Variants in RPS6KA2 observed in about 807,000 individuals in gnomAD.
RPS6KA2 encodes the protein ribosomal protein S6 kinase alpha-2.
A neutral mutation model predicts 91.8 loss-of-function variants in RPS6KA2; 42 were observed. The observed-to-expected ratio is 0.46, with a 90% CI of 0.36 to 0.59. The LOEUF (loss-of-function observed/expected upper bound fraction) is 0.59, where lower values mean the gene tolerates loss of function less well. Among genes scored for constraint, RPS6KA2 ranks in the 20% least tolerant of loss-of-function variants. The probability of loss-of-function intolerance (pLI) is 0.00; values close to 1 mark genes in which losing one functional copy is unlikely to be tolerated. For missense variants in RPS6KA2, 798 were observed against 978.5 expected (o/e 0.82, Z 2.46); for synonymous variants, 414 against 393.6 (o/e 1.05, Z -0.61).
chr6:166,828,981 C>G (rs1780112800), intron 2 of RPS6KA2, among the ~76,000 whole-genome samples: 1 of 152,072 alleles, frequency 6.6e-6, no homozygotes, highest in African/African-American at 2.4e-5. Context: ...ACTTAATAAC[C>G]TCAATAACAA....
At chr6:166,638,650 C>T (rs767393299) in intron 2 of RPS6KA2, among the ~76,000 whole-genome samples, 4 of 152,206 alleles carry the variant, frequency 2.6e-5, no homozygotes, top group Non-Finnish European at 5.9e-5. Flanking sequence ...GATCCTATGA[C>T]CTGACTTTGG....
At chr6:166,706,724 C>T (rs539441716) in intron 2 of RPS6KA2, among the ~76,000 whole-genome samples, 36 of 152,272 alleles carry the variant, frequency 2.4e-4, no homozygotes, top group Middle Eastern at 6.8e-3. Context: ...AGTAAAGCCC[C>T]GTGCCAACTG....
chr6:166,544,374 G>A (rs895112415), intron 1 of RPS6KA2, among the ~76,000 whole-genome samples: 1 of 152,170 alleles, frequency 6.6e-6, no homozygotes, highest in South Asian at 2.1e-4. Context: ...AACAGCCCCC[G>A]GAGAGCGAGC....
At position 166,733,182 on chromosome 6, in the gene RPS6KA2, G is replaced by A. The variant is rs1174366854; in HGVS notation, c.123+125018C>T. ...AGAACATGATATCAAATTATACTTGGATGTCACATTATCGGCCAGAATGGG... is the reference window on the plus strand; with the variant it reads ...AGAACATGATATCAAATTATACTTGAATGTCACATTATCGGCCAGAATGGG... On this transcript the variant is annotated intron_variant, in intron 2 of 21. Transcript: ENST00000503859. This position sits in a 1 kb window ranked among gnomAD's most constrained non-coding sequence, Gnocchi z 4.1. 6.6e-6 allele frequency among the ~76,000 whole-genome samples: 1 copy of A among 152,144 alleles called. No individual in the cohort carries two copies. The highest frequency in any genetic ancestry group is 6.5e-5 in the Admixed American group (1 of 15,280).
chr6:166,772,233 T>C lies in RPS6KA2; in HGVS notation c.123+85967A>G, dbSNP rs948397404. 2.0e-5 allele frequency among the ~76,000 whole-genome samples: 3 copies of C among 151,946 alleles called. No homozygotes were observed. The East Asian group carries it at 5.8e-4, about 29-fold the overall frequency. ...GGACACTAGTTCCATGGAGTCCAGG[T>C]GGGAATGACCCCACCCCCCAGCCCC... On this transcript the variant is annotated intron_variant, in intron 2 of 21. Transcript: ENST00000503859.
At chr6:166,760,308 G>C (rs1484449761) in intron 2 of RPS6KA2, among the ~76,000 whole-genome samples, 1 of 152,206 alleles carries the variant, frequency 6.6e-6, no homozygotes, top group African/African-American at 2.4e-5. Flanking sequence ...GGCTTCTTAA[G>C]AAATTGTGTT....
intron 11 of RPS6KA2, among the ~76,000 whole-genome samples, chr6:166,465,916 T>C (rs1478177046): frequency 6.6e-6 from 1 of 152,236 alleles, no homozygotes; most frequent in African/African-American, 2.4e-5. Flanking sequence ...GTGGCATTTC[T>C]GAGCTCTTCT....
intron 16 of RPS6KA2, among the ~76,000 whole-genome samples, chr6:166,427,396 C>T (rs1331596049): frequency 6.6e-6 from 1 of 152,178 alleles, no homozygotes; most frequent in Non-Finnish European, 1.5e-5. Context: ...TGGCACAAGA[C>T]AGGGATGCCC....
In RPS6KA2 at chr6:166,526,236, G is replaced by A. The variant is rs546625442; in HGVS notation, c.298+4996C>T. Among the ~76,000 whole-genome samples the A allele has an allele frequency of 3.3e-4, 50 of 152,118 alleles. 1 individual carries two copies. The highest frequency in any genetic ancestry group is 1.1e-3 in the African/African-American group (44 of 41,480). On this transcript the variant is annotated intron_variant, in intron 3 of 20. Coordinates refer to ENST00000265678, the MANE Select transcript of RPS6KA2 (RefSeq NM_021135.6). ...CTACTTTTTAGTGATGGATCATTAC[G>A]GAAAGCCGAAACAGTATAAGATGTA... is the stretch of plus-strand genomic sequence containing the variant.
chr6:166,565,569 C>T (rs1029895334), intron 1 of RPS6KA2, among the ~76,000 whole-genome samples: 5 of 152,232 alleles, frequency 3.3e-5, no homozygotes, highest in African/African-American at 1.2e-4. Flanking sequence ...GGGCAGTGAC[C>T]GCCTCACTTG....
intron 2 of RPS6KA2, among the ~76,000 whole-genome samples, chr6:166,756,189 G>A (rs1326799743): frequency 6.6e-6 from 1 of 151,952 alleles, no homozygotes; most frequent in Admixed American, 6.6e-5. Flanking sequence ...ACTCGGGAGG[G>A]TGAGGCAGGA....
At chr6:166,652,124 G>C (rs1216995425) in intron 2 of RPS6KA2, among the ~76,000 whole-genome samples, 1 of 152,258 alleles carries the variant, frequency 6.6e-6, no homozygotes, top group African/African-American at 2.4e-5. Flanking sequence ...AAGAGTAAAA[G>C]TCAGAGGATA....
In RPS6KA2 at chr6:166,633,730, G is replaced by A. The variant is rs188741382; in HGVS notation, c.124-94946C>T. Among the ~76,000 whole-genome samples the A allele has an allele frequency of 2.2e-3, 335 of 152,290 alleles. 1 individual carries two copies. Among genetic ancestry groups the A allele is most frequent in the Middle Eastern group, 0.01 (3 of 294 alleles). On this transcript the variant is annotated intron_variant, in intron 2 of 21. Coordinates refer to the RPS6KA2 transcript ENST00000503859. ...ATAATTACAGTTATAATTATAGGAT[G>A]GAAGAATTACTTGTTTGAATTTATT...
At position 166,586,530 on chromosome 6, in the gene RPS6KA2, T is replaced by A; in HGVS notation, c.99+40391A>T. 3 of 1,537,146 alleles carry A rather than the reference T, an allele frequency of 2.0e-6. No homozygotes were observed. The South Asian group carries it at 3.5e-5, about 18-fold the overall frequency. On this transcript the variant is annotated intron_variant, in intron 1 of 20. Coordinates refer to ENST00000265678, the MANE Select transcript of RPS6KA2 (RefSeq NM_021135.6). ...CTGTATTGCTTAATGTTTAGGTTGT[T>A]TAAATCCGCCAAGGGCTATGTCTAT...
chr6:166,559,482 G>T (rs1784277068), intron 1 of RPS6KA2, among the ~76,000 whole-genome samples: 1 of 152,190 alleles, frequency 6.6e-6, no homozygotes, highest in South Asian at 2.1e-4. Flanking sequence ...ACCATGCTAA[G>T]TGATGAATGC....
chr6:166,712,143 G>A (rs1344440407), intron 2 of RPS6KA2, among the ~76,000 whole-genome samples: 1 of 152,208 alleles, frequency 6.6e-6, no homozygotes, highest in African/African-American at 2.4e-5. Flanking sequence ...GGTCCACATG[G>A]GTTTCAAAAA....
At chr6:166,755,177 G>T (rs1346367240) in intron 2 of RPS6KA2, among the ~76,000 whole-genome samples, 1 of 152,180 alleles carries the variant, frequency 6.6e-6, no homozygotes, top group Non-Finnish European at 1.5e-5. Context: ...ACTTCTAGGT[G>T]GCCTCAGATG....
At chr6:166,516,732 G>T (rs1040260719) in intron 3 of RPS6KA2, among the ~76,000 whole-genome samples, 2 of 152,190 alleles carry the variant, frequency 1.3e-5, no homozygotes, top group Non-Finnish European at 2.9e-5. Flanking sequence ...GCTCGGCAGG[G>T]CCCACGGGAG....
At chr6:166,813,202 C>T (rs1291251364) in intron 2 of RPS6KA2, among the ~76,000 whole-genome samples, 1 of 152,036 alleles carries the variant, frequency 6.6e-6, no homozygotes, top group Non-Finnish European at 1.5e-5. Context: ...CTGCATTTAA[C>T]AAGCGGAAGC....
Sources: gnomAD v4.1 joint callset for allele counts (sites outside exome capture counted in the v4.1 genomes callset) on GRCh38, gnomAD v4.1.1 for gene constraint, Gnocchi (gnomAD v3.1) non-coding constraint, MANE v1.5 for transcripts, NCBI Gene and HGNC (gene_info 2026-07-23, HGNC 2026-07-21) for gene names.